LRP5: variants seen among roughly 807,000 people sequenced by gnomAD.
LRP5 encodes LDL receptor related protein 5.
In LRP5, 62 loss-of-function variants were observed where a neutral mutation model predicts 154.1. The ratio of observed to expected loss-of-function variants is 0.40; its 90% CI spans 0.33 to 0.50. LRP5 has a LOEUF of 0.50. LRP5 is among the 20% of genes least tolerant of loss of function. LRP5 has a pLI of 0.55. For missense variants in LRP5, 1,915 were observed against 2,336.7 expected (o/e 0.82, Z 3.72); for synonymous variants, 966 against 1,011.5 (o/e 0.96, Z 0.85).
chr11:68,348,410 C>G, intron 2 of LRP5, among the ~76,000 whole-genome samples, 167 bp downstream of exon 2: 1 of 131,224 alleles, frequency 7.6e-6, no homozygotes, highest in Non-Finnish European at 1.7e-5. Context: ...CGGTGTGACT[C>G]TGAAAATGAA....
chr11:68,426,208 G>A, intron 16 of LRP5, 21 bp downstream of exon 16: 1 of 1,600,184 alleles, frequency 6.2e-7, no homozygotes, highest in Non-Finnish European at 8.5e-7. Flanking sequence ...GCTGGCAGTG[G>A]GGTGGGCAGG....
Position 68,423,482 on chromosome 11 carries a change from C to G in LRP5, c.3028-7C>G, listed in dbSNP as rs1457687408. ...TGCTCAGGAGTCTTGGTTTCTTTGT[C>G]TTACAGCCCTTTGTTTTGACCTCTC... On this transcript the variant is annotated splice_polypyrimidine_tract_variant and splice_region_variant and intron_variant, in intron 13 of 22. Transcript: ENST00000294304. The surrounding 1 kb of genome is among the most constrained non-coding windows in gnomAD (Gnocchi z 4.7). The G allele has an allele frequency of 1.2e-6, 2 of 1,613,950 alleles. 1 individual carries two copies. The highest frequency in any genetic ancestry group is 4.5e-5 in the East Asian group (2 of 44,880).
intron 13 of LRP5, among the ~76,000 whole-genome samples, chr11:68,419,101 G>A (rs922966215): frequency 6.6e-6 from 1 of 152,094 alleles, no homozygotes; most frequent in African/African-American, 2.4e-5. Context: ...TTCTTTATTA[G>A]GAGTCCCCCT....
chr11:68,372,501 A>ACCGTGGCGGCAAGGAGGTGCAGTGTCAGG (rs1565353667), intron 5 of LRP5, among the ~76,000 whole-genome samples: 1 of 151,530 alleles, frequency 6.6e-6, no homozygotes, highest in Non-Finnish European at 1.5e-5. Context: ...CAGACCGGGG[A>ACCGTGGCGGCAAGGAGGTGCAGTGTCAGG]CTTGGAGCAC....
intron 16 of LRP5, among the ~76,000 whole-genome samples, chr11:68,426,606 A>G (rs1032873176): frequency 2.0e-5 from 3 of 150,806 alleles, no homozygotes; most frequent in Non-Finnish European, 4.4e-5. Flanking sequence ...TTTTTTTTGT[A>G]GAGACGGGGT....
intron 6 of LRP5, among the ~76,000 whole-genome samples, chr11:68,387,552 G>A (rs1339336528): frequency 6.6e-6 from 1 of 152,216 alleles, no homozygotes; most frequent in Non-Finnish European, 1.5e-5. Context: ...GATGTGGCAG[G>A]TGTGGGGCTG....
chr11:68,413,548 T>G lies in LRP5; in HGVS notation c.2504-141T>G. 1 of 751,552 alleles carries G rather than the reference T, an allele frequency of 1.3e-6. No homozygotes were observed. The highest frequency in any genetic ancestry group is 1.4e-5 in the South Asian group (1 of 69,052). The allele number at this position is 751,552 out of a possible 1,614,324, so 46.6% of individuals were successfully genotyped here. ...TGCGCTTCAGTGGATCTTGCTGGTT[T>G]TCCAAGGTGGCCAAACACTTTAAGG... On this transcript the variant is annotated intron_variant, in intron 11 of 22. Transcript: ENST00000294304. The surrounding 1 kb of genome is among the most constrained non-coding windows in gnomAD (Gnocchi z 5.1).
chr11:68,365,954 C>G (rs891515484), intron 5 of LRP5, among the ~76,000 whole-genome samples: 1 of 152,154 alleles, frequency 6.6e-6, no homozygotes, highest in Non-Finnish European at 1.5e-5. Flanking sequence ...CTTTTTTACT[C>G]TCCGCCTTGG....
chr11:68,402,252 C>T lies in LRP5; in HGVS notation c.1585-1231C>T, dbSNP rs145940462. On this transcript the variant is annotated intron_variant, in intron 7 of 22. Coordinates refer to ENST00000294304, the MANE Select transcript of LRP5 (RefSeq NM_002335.4). The stretch of plus-strand genomic sequence containing the variant: ...TCAACCTTCCTGTTAACATACAGTT[C>T]TGCAGGCTCATGGATCATCAGAACC... 6.6e-5 allele frequency among the ~76,000 whole-genome samples: 10 copies of T among 152,348 alleles called. No homozygotes were observed. In the East Asian group the frequency reaches 1.9e-3, roughly 29 times the overall value.
chr11:68,415,062 G>A (rs1018820271), intron 12 of LRP5, among the ~76,000 whole-genome samples: 1 of 152,262 alleles, frequency 6.6e-6, no homozygotes, highest in African/African-American at 2.4e-5. Flanking sequence ...AGCCACTGTA[G>A]CCCGCTGACG....
In LRP5 at chr11:68,386,869, G is replaced by A. The variant is rs530013508; in HGVS notation, c.1412+157G>A. 4.2e-4 allele frequency among the ~76,000 whole-genome samples: 64 copies of A among 152,334 alleles called. No homozygotes were observed. Among genetic ancestry groups the A allele is most frequent in the African/African-American group, 1.5e-3 (62 of 41,586 alleles). On this transcript the variant is annotated intron_variant, in intron 6 of 22. Transcript: ENST00000294304. This position sits in a 1 kb window ranked among gnomAD's most constrained non-coding sequence, Gnocchi z 7.9. ...GGCAGCTGGGCCCCACCCCCAGAGCGGTGATTCAGGAGCTCCAGGGCGGGG... is the reference window on the plus strand; with the variant it reads ...GGCAGCTGGGCCCCACCCCCAGAGCAGTGATTCAGGAGCTCCAGGGCGGGG...
chr11:68,418,224 G>C (rs565216925), intron 13 of LRP5, among the ~76,000 whole-genome samples: 4 of 152,168 alleles, frequency 2.6e-5, no homozygotes, highest in Non-Finnish European at 5.9e-5. Flanking sequence ...GGCCAACATG[G>C]TGAAACCCCA....
intron 3 of LRP5, among the ~76,000 whole-genome samples, chr11:68,362,608 T>A (rs1356893097): frequency 6.6e-6 from 1 of 151,752 alleles, no homozygotes; most frequent in Non-Finnish European, 1.5e-5. Context: ...GGAGAATCGC[T>A]TGAACCTGGG....
At position 68,347,927 on chromosome 11, in the gene LRP5, G is replaced by A. The variant is rs1462356607; in HGVS notation, c.172G>A (p.Val58Met). 5 of 1,613,818 alleles carry A rather than the reference G, an allele frequency of 3.1e-6. No homozygotes were observed. In the Admixed American group the frequency reaches 5.0e-5, roughly 16 times the overall value. The change falls in exon 2 of 23, where the codon GTG (valine) becomes ATG (methionine). Residue 58 changes from valine to methionine, a missense_variant. Transcript: ENST00000294304. ...CGGAGTCAAGCTGGAGTCCACCATC[G>A]TGGTCAGCGGCCTGGAGGATGCGGC... ...AGGVKLESTI[V>M]VSGLEDAAAV...
chr11:68,355,002 C>T (rs1000882520), intron 2 of LRP5, among the ~76,000 whole-genome samples: 4 of 152,152 alleles, frequency 2.6e-5, no homozygotes, highest in African/African-American at 4.8e-5. Flanking sequence ...ATGTTTGGTT[C>T]GAGGCTCCTA....
At chr11:68,310,432 C>T (rs968566039), upstream of LRP5, among the ~76,000 whole-genome samples, 2 of 152,134 alleles carry the variant, frequency 1.3e-5, no homozygotes, top group Non-Finnish European at 2.9e-5. Flanking sequence ...CCAGCCAGAC[C>T]AACATGGTGA....
intron 7 of LRP5, among the ~76,000 whole-genome samples, chr11:68,398,663 A>G (rs2098650927): frequency 6.6e-6 from 1 of 152,158 alleles, no homozygotes; most frequent in African/African-American, 2.4e-5. Flanking sequence ...AAAAAAGCCA[A>G]AGGAGGTTTC....
chr11:68,402,731 AG>A (rs1393048392), intron 7 of LRP5, among the ~76,000 whole-genome samples: 1 of 152,180 alleles, frequency 6.6e-6, no homozygotes, highest in Admixed American at 6.5e-5. Flanking sequence ...CACCTGGGGC[AG>A]GCATTGCTAA....
chr11:68,348,211 G>T lies in LRP5; in HGVS notation c.456G>T (p.Gln152His). 6.2e-7 allele frequency: 1 copy of T among 1,609,824 alleles called. No individual in the cohort carries two copies. The change falls in exon 2 of 23, where the codon CAG becomes CAT. Residue 152 changes from glutamine (Q) to histidine (H), a missense_variant. Transcript: ENST00000294304. Reference sequence around the variant, plus strand: ...TGCTCTTCTGGCAGGACCTTGACCAGCCGAGGGCCATCGCCTTGGACCCCG... The same window carrying T: ...TGCTCTTCTGGCAGGACCTTGACCATCCGAGGGCCATCGCCTTGGACCCCG... The part of the protein sequence containing the change: ...RKVLFWQDLD[Q>H]PRAIALDPAH...
Sources: gnomAD v4.1 joint callset for allele counts (sites outside exome capture counted in the v4.1 genomes callset) on GRCh38, gnomAD v4.1.1 for gene constraint, Gnocchi (gnomAD v3.1) non-coding constraint, MANE v1.5 for transcripts, NCBI Gene and HGNC (gene_info 2026-07-23, HGNC 2026-07-21) for gene names.